The following PLCL1 variants were observed in gnomAD, a reference collection of about 807,000 sequenced individuals.
PLCL1 encodes the protein inactive phospholipase C-like protein 1.
A neutral mutation model predicts 84.4 loss-of-function variants in PLCL1; 41 were observed. The ratio of observed to expected loss-of-function variants is 0.49; its 90% CI spans 0.38 to 0.63. The LOEUF (loss-of-function observed/expected upper bound fraction) is 0.63, where lower values mean the gene tolerates loss of function less well. Ranked by LOEUF, PLCL1 falls within the 30% of genes least tolerant of loss-of-function variation. The pLI is 0.00. For synonymous variants in PLCL1, 490 were observed against 488.3 expected, an observed-to-expected ratio of 1.00 and a Z score of -0.05; for missense variants, 1,206 against 1,367.8, an observed-to-expected ratio of 0.88 and a Z score of 1.87.
At chr2:198,058,050 C>T (rs550779901) in intron 1 of PLCL1, among the ~76,000 whole-genome samples, 2 of 152,146 alleles carry the variant, frequency 1.3e-5, no homozygotes, top group African/African-American at 2.4e-5. Flanking sequence ...TTGAATGATG[C>T]CTCTGATATA....
At chr2:197,979,753 A>T (rs1277041812) in intron 1 of PLCL1, among the ~76,000 whole-genome samples, 2 of 152,086 alleles carry the variant, frequency 1.3e-5, no homozygotes, top group African/African-American at 4.8e-5. Flanking sequence ...AGAAAGACCC[A>T]TGTTCTTCTG....
chr2:198,020,472 T>G (rs1018733138), intron 1 of PLCL1, among the ~76,000 whole-genome samples: 1 of 151,670 alleles, frequency 6.6e-6, no homozygotes, highest in Non-Finnish European at 1.5e-5. Context: ...GACCTATTGG[T>G]GTGCTGTATT....
At chr2:198,026,208 A>T (rs565837278) in intron 1 of PLCL1, among the ~76,000 whole-genome samples, 1 of 152,306 alleles carries the variant, frequency 6.6e-6, no homozygotes, top group South Asian at 2.1e-4. Flanking sequence ...CCATAATCAA[A>T]TAAATTTGAA....
intron 1 of PLCL1, among the ~76,000 whole-genome samples, chr2:197,809,767 G>A (rs1690546296): frequency 6.6e-6 from 1 of 151,626 alleles, no homozygotes; most frequent in African/African-American, 2.4e-5. Flanking sequence ...TATAAATCTA[G>A]GGGAGTAAGG....
chr2:198,019,929 A>G (rs1336265421), intron 1 of PLCL1, among the ~76,000 whole-genome samples: 1 of 152,230 alleles, frequency 6.6e-6, no homozygotes, highest in Non-Finnish European at 1.5e-5. Context: ...CCCAAGACAC[A>G]TAATCGTCAG....
rs1433411326 is a variant in PLCL1 at position 197,804,934 on chromosome 2, C to A, written c.-166C>A. 9 of 682,612 alleles carry A rather than the reference C, an allele frequency of 1.3e-5. No individual in the cohort carries two copies. Among genetic ancestry groups the A allele is most frequent in the Non-Finnish European group, 2.0e-5 (9 of 441,216 alleles). 42.3% of individuals were successfully genotyped at this position (682,612 alleles called of 1,614,324 possible). A position where few individuals can be genotyped will look rare whatever the true frequency, so the allele number is the denominator to read the frequency against. On this transcript the variant is annotated 5_prime_UTR_variant, in exon 1 of 6. Coordinates refer to ENST00000428675, the MANE Select transcript of PLCL1 (RefSeq NM_006226.4). ...CTCTGCCCGAGCGATGTCCCCTCTC[C>A]AGAAAGTTGCCGCCGCCGCCGCCGC...
chr2:197,969,787 G>A (rs186411050), intron 1 of PLCL1, among the ~76,000 whole-genome samples: 9 of 152,260 alleles, frequency 5.9e-5, no homozygotes, highest in Admixed American at 2.0e-4. Flanking sequence ...TCATTTAATA[G>A]CCACTGCTCA....
chr2:198,137,157 C>A (rs909666131), intron 5 of PLCL1, among the ~76,000 whole-genome samples: 1 of 151,934 alleles, frequency 6.6e-6, no homozygotes, highest in Non-Finnish European at 1.5e-5. Context: ...CACAAAAAAA[C>A]AAATAAACAA....
intron 1 of PLCL1, among the ~76,000 whole-genome samples, chr2:198,079,239 G>A (rs1426278311): frequency 6.6e-6 from 1 of 151,220 alleles, no homozygotes; most frequent in Non-Finnish European, 1.5e-5. Context: ...TCTGAACTTT[G>A]TTTCCAATTT....
At chr2:197,935,076 C>T (rs1343985394) in intron 1 of PLCL1, among the ~76,000 whole-genome samples, 1 of 152,068 alleles carries the variant, frequency 6.6e-6, no homozygotes, top group African/African-American at 2.4e-5. Context: ...ATCAAAACCA[C>T]AACGAGATAC....
chr2:197,880,088 A>G (rs1401025337), intron 1 of PLCL1, among the ~76,000 whole-genome samples: 1 of 152,208 alleles, frequency 6.6e-6, no homozygotes, highest in Non-Finnish European at 1.5e-5. Context: ...TTTTATAATG[A>G]GGTAGAGAAT....
chr2:198,007,769 A>G (rs1367245361), intron 1 of PLCL1, among the ~76,000 whole-genome samples: 1 of 152,094 alleles, frequency 6.6e-6, no homozygotes, highest in East Asian at 1.9e-4. Context: ...TTGCTCCACA[A>G]CCATTGATAT....
intron 1 of PLCL1, among the ~76,000 whole-genome samples, chr2:198,082,441 CAA>C (rs369435221): frequency 1.4e-5 from 2 of 142,488 alleles, no homozygotes; most frequent in African/African-American, 5.1e-5. Flanking sequence ...GAGATTCTGT[CAA>C]AAAAAAAAAA....
At position 198,094,681 on chromosome 2, in the gene PLCL1, G is replaced by A. The variant is rs149087361; in HGVS notation, c.2919+5620G>A. On this transcript the variant is annotated intron_variant, in intron 3 of 5. Coordinates refer to ENST00000428675, the MANE Select transcript of PLCL1 (RefSeq NM_006226.4). The stretch of plus-strand genomic sequence containing the variant: ...TTATCAGTAATTCATTCTTACTTTC[G>A]AGTAAATTTAGCAGATCCTGTTCTA... Among the ~76,000 whole-genome samples, 72 of 152,158 alleles carry A rather than the reference G, an allele frequency of 4.7e-4. No homozygotes were observed. In the East Asian group the frequency reaches 0.013, roughly 28 times the overall value.
chr2:197,974,081 A>G (rs1277315476), intron 1 of PLCL1, among the ~76,000 whole-genome samples: 1 of 152,198 alleles, frequency 6.6e-6, no homozygotes, highest in Admixed American at 6.5e-5. Flanking sequence ...AGAGAATAAG[A>G]AAAGGCATAA....
rs529621773 is a variant in PLCL1, at chr2:198,018,894, G to A, written c.241-64864G>A. On this transcript the variant is annotated intron_variant, in intron 1 of 5. Coordinates refer to ENST00000428675, the MANE Select transcript of PLCL1 (RefSeq NM_006226.4). ...GCTCGAGCTCTGCTAAGGGACAGAC[G>A]GCCTCCTCAAATGGGTCCCTGACCC... Among the ~76,000 whole-genome samples the A allele has an allele frequency of 3.9e-4, 59 of 152,296 alleles. No homozygotes were observed. In the East Asian group the frequency reaches 7.7e-3, roughly 20 times the overall value.
chr2:197,848,311 G>T (rs923112253), intron 1 of PLCL1, among the ~76,000 whole-genome samples: 1 of 152,164 alleles, frequency 6.6e-6, no homozygotes, highest in Non-Finnish European at 1.5e-5. Flanking sequence ...ATCAGGGAAG[G>T]AGACTAAGAT....
chr2:198,146,101 G>C (rs929652656), intron 5 of PLCL1, among the ~76,000 whole-genome samples: 3 of 152,198 alleles, frequency 2.0e-5, no homozygotes, highest in Non-Finnish European at 2.9e-5. Context: ...GGGCACTGAT[G>C]TAAATGACAG....
chr2:197,999,707 TC>T (rs1690554752), intron 1 of PLCL1, among the ~76,000 whole-genome samples: 1 of 152,200 alleles, frequency 6.6e-6, no homozygotes, highest in African/African-American at 2.4e-5. Flanking sequence ...TGACTGAGCA[TC>T]TGCCTTAGTG....
Sources: gnomAD v4.1 joint callset for allele counts (sites outside exome capture counted in the v4.1 genomes callset) on GRCh38, gnomAD v4.1.1 for gene constraint, MANE v1.5 for transcripts, NCBI Gene and HGNC (gene_info 2026-07-23, HGNC 2026-07-21) for gene names.